The following CDCA7L variants were observed in gnomAD, a reference collection of about 807,000 sequenced individuals.
The protein encoded by CDCA7L is cell division cycle associated 7 like.
A neutral mutation model predicts 57.4 loss-of-function variants in CDCA7L; 44 were observed. That is an observed-to-expected ratio of 0.77 (90% confidence interval 0.60 to 0.98). The LOEUF is 0.98. Ranked by LOEUF, CDCA7L falls within the 50% of genes least tolerant of loss-of-function variation. The pLI is 0.00. For synonymous variants in CDCA7L, 236 were observed against 202.8 expected (o/e 1.16, Z -1.39); for missense variants, 644 against 580.6 (o/e 1.11, Z -1.12).
intron 1 of CDCA7L, among the ~76,000 whole-genome samples, chr7:21,932,220 T>C (rs546839694): frequency 2.6e-5 from 4 of 152,292 alleles, no homozygotes; most frequent in African/African-American, 7.2e-5. Flanking sequence ...AAAATGGCCA[T>C]ACTGCCCAAA....
chr7:21,902,225 A>AAAC lies in CDCA7L; in HGVS notation c.*94_*96dup. The AAAC allele has an allele frequency of 9.1e-7, 1 of 1,104,668 alleles. No homozygotes were observed. The highest frequency in any genetic ancestry group is 1.3e-6 in the Non-Finnish European group (1 of 742,322). The allele number at this position is 1,104,668 out of a possible 1,614,324, so 68.4% of individuals were successfully genotyped here. On this transcript the variant is annotated 3_prime_UTR_variant, in exon 10 of 10. Coordinates refer to ENST00000406877, the MANE Select transcript of CDCA7L (RefSeq NM_018719.5). ...ATTTCTACAAAGAATTTCTGTATAA[A>AAAC]AACACAACTGTAAAAAAATCTTTCT...
chr7:21,915,335 T>G (rs935573716), intron 2 of CDCA7L, among the ~76,000 whole-genome samples: 2 of 152,086 alleles, frequency 1.3e-5, no homozygotes, highest in African/African-American at 4.8e-5. Flanking sequence ...CCAGTCCAAC[T>G]GGTAGTCAGA....
At chr7:21,902,485 AT>A in intron 9 of CDCA7L, 133 bp from the exon 10 acceptor site, 1 of 849,266 alleles carries the variant, frequency 1.2e-6, no homozygotes. Flanking sequence ...AATCCTGACA[AT>A]TTATGCATCA....
chr7:21,902,237 A>AAAAAAATCTTTCTT lies in CDCA7L; in HGVS notation c.*71_*84dup. ...AATTTCTGTATAAAAACACAACTGT[A>AAAAAAATCTTTCTT]AAAAAATCTTTCTTAGGCACCAATG... On this transcript the variant is annotated 3_prime_UTR_variant, in exon 10 of 10. Transcript: ENST00000406877. 2 of 1,185,046 alleles carry AAAAAAATCTTTCTT rather than the reference A, an allele frequency of 1.7e-6. No individual in the cohort carries two copies. Among genetic ancestry groups the AAAAAAATCTTTCTT allele is most frequent in the Non-Finnish European group, 2.4e-6 (2 of 830,364 alleles). 73.4% of individuals were successfully genotyped at this position (1,185,046 alleles called of 1,614,324 possible).
At chr7:21,928,165 G>A (rs1340823629) in intron 1 of CDCA7L, among the ~76,000 whole-genome samples, 2 of 152,260 alleles carry the variant, frequency 1.3e-5, no homozygotes, top group African/African-American at 4.8e-5. Flanking sequence ...AAACGGTCTG[G>A]AGCGGGCCTC....
At chr7:21,928,326 G>A (rs778264827) in intron 1 of CDCA7L, among the ~76,000 whole-genome samples, 1 of 152,144 alleles carries the variant, frequency 6.6e-6, no homozygotes, top group Non-Finnish European at 1.5e-5. Flanking sequence ...ACCAAAGGTA[G>A]ATAAATCCAC....
intron 1 of CDCA7L, among the ~76,000 whole-genome samples, chr7:21,939,554 G>C (rs925502676): frequency 1.3e-5 from 2 of 152,112 alleles, no homozygotes; most frequent in African/African-American, 4.8e-5. Flanking sequence ...CCTCCTCCAG[G>C]GAGGTCAGCA....
rs749967676 is a variant in CDCA7L at position 21,911,636 on chromosome 7, T to C, written c.284A>G (p.Lys95Arg). The change falls in exon 3 of 10, where the codon AAG (lysine) becomes AGG (arginine). Residue 95 changes from lysine (K) to arginine (R), a missense_variant. Coordinates refer to ENST00000406877, the MANE Select transcript of CDCA7L (RefSeq NM_018719.5). ...AGFTQSDLNG[K>R]TNPEVMVVES... ...TATTACCATTACTTCTGGGTTAGTC[T>C]TTCCATTCAGATCACTCTGCGTAAA... 3.1e-6 allele frequency: 5 copies of C among 1,613,094 alleles called. No individual in the cohort carries two copies. In the East Asian group the frequency reaches 6.7e-5, roughly 22 times the overall value.
At chr7:21,931,688 G>T (rs537018304) in intron 1 of CDCA7L, among the ~76,000 whole-genome samples, 1 of 152,142 alleles carries the variant, frequency 6.6e-6, no homozygotes, top group African/African-American at 2.4e-5. Flanking sequence ...ATGGGCAAAA[G>T]CTGGAAGCAT....
chr7:21,913,354 C>T (rs1368971737), intron 2 of CDCA7L, among the ~76,000 whole-genome samples: 3 of 150,982 alleles, frequency 2.0e-5, no homozygotes, highest in African/African-American at 7.3e-5. Context: ...ATTGCACACA[C>T]AAAAGGGAAG....
At chr7:21,903,135 G>A (rs757738359) in intron 8 of CDCA7L, 21 bp from the exon 9 acceptor site, 1 of 1,608,636 alleles carries the variant, frequency 6.2e-7, no homozygotes, top group Admixed American at 1.7e-5. Context: ...GATGACAGCA[G>A]ACACTTCGCT....
Position 21,916,864 on chromosome 7 carries a change from C to A in CDCA7L, c.55G>T (p.Ala19Ser). 6.2e-7 allele frequency: 1 copy of A among 1,613,974 alleles called. No individual in the cohort carries two copies. Among genetic ancestry groups the A allele is most frequent in the East Asian group, 2.2e-5 (1 of 44,864 alleles). Reference protein sequence around the residue: ...IPKEVADIFNAPSDDEEFVGF... With the variant: ...IPKEVADIFNSPSDDEEFVGF... Reference sequence around the variant, plus strand: ...ACAAACTCTTCATCATCACTGGGGGCGTTAAAGATGTCAGCCACTTCTTTA... The same window carrying A: ...ACAAACTCTTCATCATCACTGGGGGAGTTAAAGATGTCAGCCACTTCTTTA... The change falls in exon 2 of 10, where the codon GCC (alanine) becomes TCC (serine). Residue 19 changes from alanine to serine, a missense_variant. Ala to Ser is a moderately conservative substitution (Grantham distance 99). Coordinates refer to ENST00000406877, the MANE Select transcript of CDCA7L (RefSeq NM_018719.5).
chr7:21,908,192 T>C lies in CDCA7L; in HGVS notation c.619A>G (p.Ser207Gly). 1 of 1,608,130 alleles carries C rather than the reference T, an allele frequency of 6.2e-7. No individual in the cohort carries two copies. Residue 207 changes from serine (S) to glycine (G), a missense_variant, in exon 4 of 10, where the codon AGC (serine) becomes GGC (glycine). Coordinates refer to ENST00000406877, the MANE Select transcript of CDCA7L (RefSeq NM_018719.5). ...SESEDDSRDE[S>G]QESSDALLKR... is the part of the protein sequence containing the mutation. ...AGCAAAGCATCTGAACTCTCCTGGCTCTCATCCCGAGAGTCATCCTCAGAC... is the reference window on the plus strand; with the variant it reads ...AGCAAAGCATCTGAACTCTCCTGGCCCTCATCCCGAGAGTCATCCTCAGAC...
chr7:21,926,014 T>G (rs1003083642), intron 1 of CDCA7L, among the ~76,000 whole-genome samples: 1 of 152,116 alleles, frequency 6.6e-6, no homozygotes, highest in African/African-American at 2.4e-5. Flanking sequence ...CTAGGCAGGA[T>G]AGCTTAAGTC....
intron 1 of CDCA7L, among the ~76,000 whole-genome samples, chr7:21,933,937 TAA>T (rs777502255): frequency 7.0e-6 from 1 of 143,342 alleles, no homozygotes; most frequent in Non-Finnish European, 1.5e-5. Context: ...TCCATCTGGT[TAA>T]AAAAAAAAAA....
At chr7:21,918,681 GGCTT>G (rs202196140) in intron 1 of CDCA7L, among the ~76,000 whole-genome samples, 6,771 of 152,146 alleles carry the variant, frequency 0.045, 254 homozygotes, top group Non-Finnish European at 0.054. Context: ...ACTTCTAGTT[GGCTT>G]GCTTTTGCCA....
chr7:21,905,429 A>C, intron 7 of CDCA7L, 77 bp downstream of exon 7: 21 of 1,495,926 alleles, frequency 1.4e-5, no homozygotes, highest in East Asian at 2.3e-5. Context: ...AAGCCCTGAT[A>C]GAGTTTAAAA....
chr7:21,915,254 G>T (rs1785442887), intron 2 of CDCA7L, among the ~76,000 whole-genome samples: 1 of 152,072 alleles, frequency 6.6e-6, no homozygotes, highest in South Asian at 2.1e-4. Context: ...ATCAAGATGG[G>T]GAAAGGGGGA....
intron 1 of CDCA7L, among the ~76,000 whole-genome samples, chr7:21,920,250 C>G (rs1256244445): frequency 6.6e-6 from 1 of 152,184 alleles, no homozygotes; most frequent in South Asian, 2.1e-4. Flanking sequence ...GAAAGGGTCT[C>G]AGGTCCTCCA....
Sources: gnomAD v4.1 joint callset for allele counts (sites outside exome capture counted in the v4.1 genomes callset) on GRCh38, gnomAD v4.1.1 for gene constraint, MANE v1.5 for transcripts, NCBI Gene and HGNC (gene_info 2026-07-23, HGNC 2026-07-21) for gene names.